The following TCF4 variants were observed in gnomAD, a reference collection of about 807,000 sequenced individuals.
TCF4 encodes the protein transcription factor 4.
Under a neutral mutation model 82.1 loss-of-function variants are expected in TCF4, and 3 were observed. The observed-to-expected ratio is 0.04, with a 90% CI of 0.02 to 0.09. The LOEUF is 0.09. TCF4 is among the 10% of genes least tolerant of loss of function. The probability of loss-of-function intolerance (pLI) is 1.00; values close to 1 mark genes in which losing one functional copy is unlikely to be tolerated. For missense variants in TCF4, 518 were observed against 852.7 expected, an observed-to-expected ratio of 0.61 and a Z score of 4.89; for synonymous variants, 276 against 309.6, an observed-to-expected ratio of 0.89 and a Z score of 1.14.
At position 55,227,854 on chromosome 18, in the gene TCF4, TCTG is replaced by T; in HGVS notation, c.*178_*180del. 1 of 238,020 alleles carries T rather than the reference TCTG, an allele frequency of 4.2e-6. No homozygotes were observed. Among genetic ancestry groups the T allele is most frequent in the African/African-American group, 2.3e-5 (1 of 42,744 alleles). The allele number at this position is 238,020 out of a possible 1,614,324, so 14.7% of individuals were successfully genotyped here. ...CTTTTTTCTTTCTTTTTTTTGTTTT[TCTG>T]TTTTTTGATAATTGGGAATGCTGAA... On this transcript the variant is annotated 3_prime_UTR_variant, in exon 20 of 20. Transcript: ENST00000354452.
chr18:55,499,296 CAGGT>C (rs1352128736), intron 3 of TCF4, among the ~76,000 whole-genome samples: 2 of 152,122 alleles, frequency 1.3e-5, no homozygotes, highest in African/African-American at 2.4e-5. Flanking sequence ...ATGTGATACT[CAGGT>C]AGGAAGAAAC....
chr18:55,262,544 C>CA (rs1292397007), intron 11 of TCF4, among the ~76,000 whole-genome samples: 1 of 152,058 alleles, frequency 6.6e-6, no homozygotes, highest in Non-Finnish European at 1.5e-5. Flanking sequence ...TTAAATCACC[C>CA]AATGAATCCA....
intron 3 of TCF4, among the ~76,000 whole-genome samples, chr18:55,503,716 T>C (rs1313554226): frequency 6.6e-6 from 1 of 152,164 alleles, no homozygotes; most frequent in African/African-American, 2.4e-5. Context: ...TTAGGCAATA[T>C]GGCCCTGTAG....
intron 15 of TCF4, among the ~76,000 whole-genome samples, chr18:55,254,067 G>T (rs561017512): frequency 6.6e-6 from 1 of 152,152 alleles, no homozygotes; most frequent in African/African-American, 2.4e-5. Flanking sequence ...GCTCTAATAC[G>T]TGGCAAACTG....
intron 5 of TCF4, among the ~76,000 whole-genome samples, chr18:55,429,762 C>T (rs1236534336): frequency 1.6e-4 from 1 of 6,212 alleles, no homozygotes; most frequent in South Asian, 0.014. Context: ...AAGACTCCAT[C>T]TCAAAAAAAA....
chr18:55,635,919 T>C (rs77891683), exon 1 of TCF4: 27,902 of 1,575,330 alleles, frequency 0.018, 311 homozygotes, highest in Non-Finnish European at 0.022. Context: ...TTTGGCCGCA[T>C]AAGTGCCAAT....
At chr18:55,330,378 C>T (rs1312006529) in intron 8 of TCF4, among the ~76,000 whole-genome samples, 1 of 151,824 alleles carries the variant, frequency 6.6e-6, no homozygotes, top group Non-Finnish European at 1.5e-5. Flanking sequence ...TGGGGTTTCG[C>T]TACGTTGGCC....
At position 55,350,978 on chromosome 18, in the gene TCF4, T is replaced by C; in HGVS notation, c.395A>G (p.Asp132Gly). ...HQQSLLGGDM[D>G]MGNPGTLSPT... ...CGAAAGGGTTCCTGGGTTGCCCATA[T>C]CCATGTCACCTCCAAGGAGACTCTG... The change falls in exon 7 of 20, where the codon GAT becomes GGT. Residue 132 changes from aspartate (D) to glycine (G), a missense_variant. Physicochemically the swap from Asp to Gly is moderately conservative, Grantham distance 94. Coordinates refer to ENST00000354452, the MANE Select transcript of TCF4 (RefSeq NM_001083962.2). The C allele has an allele frequency of 1.2e-6, 2 of 1,613,460 alleles. No individual in the cohort carries two copies. Among genetic ancestry groups the C allele is most frequent in the East Asian group, 2.2e-5 (1 of 44,862 alleles).
At chr18:55,585,949 AC>A (rs774250573) in intron 2 of TCF4, 133 of 1,273,900 alleles carry the variant, frequency 1.0e-4, no homozygotes, top group Non-Finnish European at 1.3e-4. Context: ...CTCTTCTTCG[AC>A]GTATCTAGTG....
At chr18:55,294,457 C>G (rs2065973785) in intron 8 of TCF4, among the ~76,000 whole-genome samples, 1 of 152,072 alleles carries the variant, frequency 6.6e-6, no homozygotes. Context: ...GAGAACCAGT[C>G]CTTTCCTTCA....
intron 8 of TCF4, among the ~76,000 whole-genome samples, chr18:55,289,840 G>C (rs1017022404): frequency 6.6e-6 from 1 of 151,894 alleles, no homozygotes; most frequent in African/African-American, 2.4e-5. Flanking sequence ...GGCCTGCTAA[G>C]GATAGCCAGT....
At chr18:55,330,176 ATTTTTTTTTT>A (rs3077897) in intron 8 of TCF4, among the ~76,000 whole-genome samples, 1 of 110,478 alleles carries the variant, frequency 9.1e-6, no homozygotes, top group Non-Finnish European at 1.8e-5. Context: ...GCAATGTTGG[ATTTTTTTTTT>A]TTTTTTTTTT....
chr18:55,616,789 CTTTTTCTTGCTA>C (rs1185442780), intron 2 of TCF4, among the ~76,000 whole-genome samples: 1 of 151,948 alleles, frequency 6.6e-6, no homozygotes. Flanking sequence ...ATTAAAAGTA[CTTTTTCTTGCTA>C]TTGTGTTGCA....
At chr18:55,390,776 A>G (rs2146134857) in intron 6 of TCF4, among the ~76,000 whole-genome samples, 1 of 152,340 alleles carries the variant, frequency 6.6e-6, no homozygotes, top group African/African-American at 2.4e-5. Context: ...TCTGGAGTCC[A>G]AAAACTGATA....
intron 3 of TCF4, among the ~76,000 whole-genome samples, chr18:55,480,817 T>C (rs2096410621): frequency 6.6e-6 from 1 of 152,164 alleles, no homozygotes; most frequent in African/African-American, 2.4e-5. Context: ...GCGTGGTGGC[T>C]TATGGGCCGG....
At position 55,224,353 on chromosome 18, in the gene TCF4, A is replaced by G. The variant is rs1479260013; in HGVS notation, c.*3682T>C. 1.3e-5 allele frequency: 2 copies of G among 152,630 alleles called. No individual in the cohort carries two copies. Among genetic ancestry groups the G allele is most frequent in the Admixed American group, 6.5e-5 (1 of 15,282 alleles). The allele number at this position is 152,630 out of a possible 1,614,324, so 9.5% of individuals were successfully genotyped here. On this transcript the variant is annotated 3_prime_UTR_variant, in exon 20 of 20. Coordinates refer to ENST00000354452, the MANE Select transcript of TCF4 (RefSeq NM_001083962.2). ...AAAGAGCATGTCTCTAAAGAAAAAC[A>G]AACAAAACCAAAGCAAAATAAAAAG... is the stretch of plus-strand genomic sequence containing the variant.
Position 55,596,110 on chromosome 18 carries a change from A to G in TCF4, c.287-8974T>C, listed in dbSNP as rs142528415. ...TAGCCTCGAGTGATGACTCACGCCTATCCCGGGTACTCAGGAGGCTGAGGC... is the reference window on the plus strand; with the variant it reads ...TAGCCTCGAGTGATGACTCACGCCTGTCCCGGGTACTCAGGAGGCTGAGGC... On this transcript the variant is annotated intron_variant, in intron 2 of 20. Coordinates refer to the TCF4 transcript ENST00000398339. 7.8e-4 allele frequency: 341 copies of G among 439,074 alleles called. 3 individuals are homozygous for G. Among genetic ancestry groups the G allele is most frequent in the African/African-American group, 5.7e-3 (277 of 48,362 alleles). 27.2% of individuals were successfully genotyped at this position (439,074 alleles called of 1,614,324 possible). A position where few individuals can be genotyped will look rare whatever the true frequency, so the allele number is the denominator to read the frequency against.
intron 2 of TCF4, among the ~76,000 whole-genome samples, chr18:55,595,469 GT>G (rs774479443): frequency 6.6e-6 from 1 of 152,156 alleles, no homozygotes; most frequent in Non-Finnish European, 1.5e-5. Context: ...TAGTGCATAA[GT>G]ATTCCTCCAG....
intron 5 of TCF4, among the ~76,000 whole-genome samples, chr18:55,435,524 T>C (rs1383518533): frequency 1.3e-5 from 2 of 152,228 alleles, no homozygotes; most frequent in Admixed American, 1.3e-4. Flanking sequence ...ACCTGACACA[T>C]AGTGCTGAGT....
Sources: gnomAD v4.1 joint callset for allele counts (sites outside exome capture counted in the v4.1 genomes callset) on GRCh38, gnomAD v4.1.1 for gene constraint, MANE v1.5 for transcripts, NCBI Gene and HGNC (gene_info 2026-07-23, HGNC 2026-07-21) for gene names.